Variants in LARS1 observed in about 807,000 individuals in gnomAD.
The protein encoded by LARS1 is leucyl-tRNA synthetase 1, also known as leucine--tRNA ligase, cytoplasmic.
LARS1 carries 100 observed loss-of-function variants against 162.8 expected under a neutral mutation model. The ratio of observed to expected loss-of-function variants is 0.61; its 90% CI spans 0.52 to 0.73. The LOEUF (loss-of-function observed/expected upper bound fraction) is 0.73, where lower values mean the gene tolerates loss of function less well. LARS1 is among the 30% of genes least tolerant of loss of function. LARS1 has a pLI of 0.00. For synonymous variants in LARS1, 457 were observed against 462.8 expected, an observed-to-expected ratio of 0.99 and a Z score of 0.16; for missense variants, 1,258 against 1,408.9, an observed-to-expected ratio of 0.89 and a Z score of 1.71.
chr5:146,172,925 TAA>T (rs1754342844), intron 2 of LARS1, 151 bp from the exon 3 acceptor site: 1 of 426,920 alleles, frequency 2.3e-6, no homozygotes, highest in South Asian at 8.8e-5. Context: ...TCTACAAATT[TAA>T]AACTCTCTAA....
chr5:146,157,939 G>A, intron 8 of LARS1, 144 bp from the exon 9 acceptor site: 1 of 742,620 alleles, frequency 1.3e-6, no homozygotes, highest in Non-Finnish European at 2.3e-6. Flanking sequence ...ATTGCCAGTG[G>A]TGTGCTAACT....
chr5:146,170,569 G>T (rs530237591), intron 4 of LARS1, among the ~76,000 whole-genome samples: 1 of 152,258 alleles, frequency 6.6e-6, no homozygotes, highest in African/African-American at 2.4e-5. Flanking sequence ...CATCAATGTT[G>T]AATTTCTTGG....
intron 31 of LARS1, among the ~76,000 whole-genome samples, chr5:146,115,048 A>AGGG (rs1764142549): frequency 7.5e-6 from 1 of 133,628 alleles, no homozygotes; most frequent in African/African-American, 3.2e-5. Context: ...GTCGGGGGGA[A>AGGG]AAAAAAAAAA....
chr5:146,157,420 T>C lies in LARS1; in HGVS notation c.1048A>G (p.Lys350Glu). ...CAACTTACCTCCCCCATTAATTCCTTAACAACAGGCACCACGCCATTGTCT... is the reference window on the plus strand; with the variant it reads ...CAACTTACCTCCCCCATTAATTCCTCAACAACAGGCACCACGCCATTGTCT... ...TKDNGVVPVV[K>E]ELMGEEILGA... The change falls in exon 10 of 32, where the codon AAG (lysine) becomes GAG (glutamate). Residue 350 changes from lysine to glutamate, a missense_variant. By Grantham distance (56) the Lys-to-Glu change is moderately conservative. Transcript: ENST00000394434. 2 of 1,614,026 alleles carry C rather than the reference T, an allele frequency of 1.2e-6. No individual in the cohort carries two copies. The highest frequency in any genetic ancestry group is 1.7e-6 in the Non-Finnish European group (2 of 1,179,976).
intron 23 of LARS1, chr5:146,131,698 C>T (rs1752292008): frequency 6.5e-6 from 1 of 153,016 alleles, no homozygotes; most frequent in African/African-American, 2.4e-5. Context: ...ACTTTGTTGC[C>T]CTGGCTGGTC....
At chr5:146,149,506 T>C in intron 15 of LARS1, 116 bp downstream of exon 15, 3 of 752,640 alleles carry the variant, frequency 4.0e-6, no homozygotes, top group Non-Finnish European at 6.9e-6. Context: ...GCCGCAAAAC[T>C]GTATGATATT....
chr5:146,149,792 T>G, intron 14 of LARS1, 93 bp from the exon 15 acceptor site: 1 of 843,534 alleles, frequency 1.2e-6, no homozygotes, highest in Non-Finnish European at 2.0e-6. Context: ...AATTTGCTTC[T>G]GCCCACCGAA....
rs376576817 is a variant in LARS1 at position 146,153,936 on chromosome 5, C to A, written c.1110G>T (p.Lys370Asn). 10 of 1,611,856 alleles carry A rather than the reference C, an allele frequency of 6.2e-6. No homozygotes were observed. Among genetic ancestry groups the A allele is most frequent in the African/African-American group, 4.0e-5 (3 of 74,798 alleles). The stretch of plus-strand genomic sequence containing the variant: ...TTAGCATTGGGAGAACATAGATCAC[C>A]TTGTATGATGTTAAAGGTGCAGAAA... ...ASLSAPLTSY[K>N]VIYVLPMLTI... is the part of the protein sequence containing the mutation. Residue 370 changes from lysine (K) to asparagine (N), a missense_variant, in exon 11 of 32, where the codon AAG (lysine) becomes AAT (asparagine). By Grantham distance (94) the Lys-to-Asn change is moderately conservative. Transcript: ENST00000394434.
intron 20 of LARS1, 174 bp downstream of exon 20, chr5:146,142,698 G>A (rs561155104): frequency 5.4e-6 from 3 of 554,110 alleles, no homozygotes; most frequent in African/African-American, 3.8e-5. Flanking sequence ...TGGATTTCTG[G>A]ATGTAAGAGA....
intron 31 of LARS1, among the ~76,000 whole-genome samples, chr5:146,115,465 GA>G (rs1561792220): frequency 1.3e-5 from 2 of 150,408 alleles, no homozygotes; most frequent in Non-Finnish European, 2.9e-5. Flanking sequence ...ACAAGGCAGA[GA>G]AAGGACAGAA....
rs139898015 is a variant in LARS1 at position 146,126,602 on chromosome 5, G to T, written c.2881-57C>A. 1.5e-5 allele frequency: 18 copies of T among 1,171,420 alleles called. 1 individual carries two copies. In the South Asian group the frequency reaches 1.9e-4, roughly 12 times the overall value. 72.6% of individuals were successfully genotyped at this position (1,171,420 alleles called of 1,614,324 possible). A position where few individuals can be genotyped will look rare whatever the true frequency, so the allele number is the denominator to read the frequency against. ...AAAAAAAAGTCTCAAGAATAAGGCA[G>T]AACAGTAGATGTGACCAGGCATAGA... On this transcript the variant is annotated intron_variant, in intron 27 of 31. Coordinates refer to ENST00000394434, the MANE Select transcript of LARS1 (RefSeq NM_020117.11).
At chr5:146,170,040 T>A (rs1032161019) in intron 4 of LARS1, among the ~76,000 whole-genome samples, 8 of 152,034 alleles carry the variant, frequency 5.3e-5, no homozygotes, top group African/African-American at 1.9e-4. Context: ...GAAAAAACAA[T>A]CAGAAAACTC....
intron 27 of LARS1, 66 bp from the exon 28 acceptor site, chr5:146,126,611 A>G: frequency 9.5e-7 from 1 of 1,048,854 alleles, no homozygotes; most frequent in African/African-American, 1.6e-5. Flanking sequence ...AGAACAGTAG[A>G]TGTGACCAGG....
rs1245206793 is a variant in LARS1, at chr5:146,171,972, G to A, written c.232C>T (p.Arg78Ter). The A allele has an allele frequency of 1.9e-6, 3 of 1,613,298 alleles. No homozygotes were observed. The highest frequency in any genetic ancestry group is 1.1e-5 in the South Asian group (1 of 91,050). ...SKCEFAVGYQ[R>*]LKGKCCLFPF... ...AACAGACAACATTTTCCTTTCAATC[G>A]CTGGTACCCTACAGCAAACTACAGA... Residue 78 changes from arginine (R) to a stop codon, truncating the protein, a stop_gained, in exon 4 of 32, where the codon CGA (arginine) becomes TGA (stop). Transcript: ENST00000394434. LOFTEE classifies it high-confidence loss of function.
At chr5:146,152,441 T>C (rs1439494737) in intron 13 of LARS1, among the ~76,000 whole-genome samples, 1 of 152,184 alleles carries the variant, frequency 6.6e-6, no homozygotes, top group African/African-American at 2.4e-5. Context: ...CTTCACCTCC[T>C]GTCAGATCAT....
In LARS1 at chr5:146,164,428, C is replaced by G. The variant is rs146218818; in HGVS notation, c.476G>C (p.Gly159Ala). 19 of 1,613,896 alleles carry G rather than the reference C, an allele frequency of 1.2e-5. 1 individual carries two copies. Among genetic ancestry groups the G allele is most frequent in the Non-Finnish European group, 1.4e-5 (17 of 1,179,826 alleles). The change falls in exon 6 of 32, where the codon GGC becomes GCC. Residue 159 changes from glycine (G) to alanine (A), a missense_variant. By Grantham distance (60) the Gly-to-Ala change is moderately conservative. Transcript: ENST00000394434. Reference protein sequence around the residue: ...AKAGSSKYQWGIMKSLGLSDE... With the variant: ...AKAGSSKYQWAIMKSLGLSDE... ...AGACAGGCCAAGGGATTTCATAATG[C>G]CCCACTGGTATTTAGAAGATCCAGC...
intron 31 of LARS1, among the ~76,000 whole-genome samples, chr5:146,117,184 T>C (rs1751594456): frequency 6.6e-6 from 1 of 152,126 alleles, no homozygotes; most frequent in African/African-American, 2.4e-5. Flanking sequence ...AAATAGGAAA[T>C]ACATTTCAGT....
intron 5 of LARS1, among the ~76,000 whole-genome samples, chr5:146,165,642 A>T (rs1753972308): frequency 8.1e-6 from 1 of 123,846 alleles, no homozygotes; most frequent in South Asian, 3.2e-4. Context: ...ATCTAACTGC[A>T]TTACAAATAT....
intron 22 of LARS1, among the ~76,000 whole-genome samples, chr5:146,134,167 T>C (rs1295689827): frequency 6.6e-6 from 1 of 152,136 alleles, no homozygotes; most frequent in African/African-American, 2.4e-5. Context: ...TCTACATATC[T>C]ATACACAAAA....
Sources: allele counts gnomAD v4.1 joint callset (sites outside exome capture counted in the v4.1 genomes callset), GRCh38; gene constraint gnomAD v4.1.1; transcripts MANE v1.5; gene names NCBI Gene and HGNC (gene_info 2026-07-23, HGNC 2026-07-21).